ADAM12: variants seen among roughly 807,000 people sequenced by gnomAD.
ADAM12 encodes disintegrin and metalloproteinase domain-containing protein 12.
In ADAM12, 70 loss-of-function variants were observed where a neutral mutation model predicts 106.4. The ratio of observed to expected loss-of-function variants is 0.66; its 90% confidence interval spans 0.54 to 0.80. The LOEUF (loss-of-function observed/expected upper bound fraction) is 0.80. Ranked by LOEUF, ADAM12 falls within the 30% of genes least tolerant of loss-of-function variation. The pLI, the probability that ADAM12 is intolerant of heterozygous loss-of-function variation, is 0.00. For missense variants in ADAM12, 1,010 were observed against 1,171.9 expected, an observed-to-expected ratio of 0.86 and a Z score of 2.02; for synonymous variants, 420 against 433.5, an observed-to-expected ratio of 0.97 and a Z score of 0.39.
chr10:126,235,442 G>A (rs938918921), intron 3 of ADAM12, among the ~76,000 whole-genome samples: 3 of 152,192 alleles, frequency 2.0e-5, no homozygotes, highest in East Asian at 1.9e-4. Context: ...CAGGGAGCGC[G>A]GACCGCTGGG....
intron 3 of ADAM12, among the ~76,000 whole-genome samples, chr10:126,184,014 T>C (rs1957358749): frequency 6.6e-6 from 1 of 152,212 alleles, no homozygotes. Flanking sequence ...TTGATTTTCT[T>C]CAAAAAAGTG....
chr10:126,238,583 C>G (rs1042047912), intron 3 of ADAM12, among the ~76,000 whole-genome samples: 5 of 152,142 alleles, frequency 3.3e-5, no homozygotes, highest in Non-Finnish European at 7.4e-5. Context: ...CATCCCAAAA[C>G]TGCATGTTGC....
intron 3 of ADAM12, among the ~76,000 whole-genome samples, chr10:126,201,833 G>C (rs1388663239): frequency 6.6e-6 from 1 of 152,142 alleles, no homozygotes; most frequent in Non-Finnish European, 1.5e-5. Context: ...AGAAAGACCA[G>C]GCAGAAACAA....
chr10:126,113,261 G>C (rs1046134467), intron 6 of ADAM12, among the ~76,000 whole-genome samples: 2 of 152,140 alleles, frequency 1.3e-5, no homozygotes, highest in African/African-American at 4.8e-5. Flanking sequence ...GGACAAGAGT[G>C]GACGAGAGGA....
At position 126,015,387 on chromosome 10, in the gene ADAM12, G is replaced by GTA. The variant is rs540309607; in HGVS notation, c.*1890_*1891dup. 29 of 152,270 alleles carry GTA rather than the reference G, an allele frequency of 1.9e-4. No homozygotes were observed. The East Asian group carries it at 4.4e-3, about 23-fold the overall frequency. The allele number at this position is 152,270 out of a possible 1,614,324, so 9.4% of individuals were successfully genotyped here. Reference sequence around the variant, plus strand: ...TAAAATTCTGTAAACCTTTTTAATAGTATATATATGTTTGGCTTTAGTACA... The same window carrying GTA: ...TAAAATTCTGTAAACCTTTTTAATAGTATATATATATGTTTGGCTTTAGTACA... On this transcript the variant is annotated 3_prime_UTR_variant, in exon 23 of 23. Coordinates refer to ENST00000448723, the MANE Select transcript of ADAM12 (RefSeq NM_001288973.2).
chr10:126,215,590 T>C (rs1009291521), intron 3 of ADAM12, among the ~76,000 whole-genome samples: 22 of 151,988 alleles, frequency 1.4e-4, no homozygotes, highest in African/African-American at 4.8e-4. Context: ...TGATACATGA[T>C]AGGTAAACTG....
At chr10:126,167,973 A>G (rs994766524) in intron 3 of ADAM12, among the ~76,000 whole-genome samples, 2 of 152,258 alleles carry the variant, frequency 1.3e-5, no homozygotes. Context: ...ACATGCTAAC[A>G]TATCTTACAC....
At chr10:126,192,912 G>C (rs1957529448) in intron 3 of ADAM12, among the ~76,000 whole-genome samples, 1 of 152,230 alleles carries the variant, frequency 6.6e-6, no homozygotes, top group Non-Finnish European at 1.5e-5. Context: ...CAATGGGAGA[G>C]AGTCGCCAGC....
intron 3 of ADAM12, 66 bp downstream of exon 3, chr10:126,278,848 CA>C: frequency 8.2e-7 from 1 of 1,223,566 alleles, no homozygotes. Context: ...ACATAAATCA[CA>C]GAGCACTTTT....
intron 4 of ADAM12, among the ~76,000 whole-genome samples, chr10:126,142,455 C>T (rs1305402807): frequency 2.0e-5 from 3 of 152,250 alleles, no homozygotes; most frequent in African/African-American, 7.2e-5. Context: ...AGGCACAGAT[C>T]ATGCATGCTA....
intron 3 of ADAM12, among the ~76,000 whole-genome samples, chr10:126,219,306 T>C (rs892522559): frequency 6.6e-6 from 1 of 152,220 alleles, no homozygotes; most frequent in Non-Finnish European, 1.5e-5. Context: ...CCTGGTGACC[T>C]GCTTCGGGAG....
intron 2 of ADAM12, among the ~76,000 whole-genome samples, chr10:126,314,491 T>G (rs527988318): frequency 1.7e-3 from 266 of 152,272 alleles, no homozygotes; most frequent in Non-Finnish European, 2.7e-3. Flanking sequence ...CTGCTTTGAA[T>G]TTGGGACAAA....
At chr10:126,183,391 C>T (rs1957348007) in intron 3 of ADAM12, among the ~76,000 whole-genome samples, 1 of 152,196 alleles carries the variant, frequency 6.6e-6, no homozygotes, top group Non-Finnish European at 1.5e-5. Flanking sequence ...GACCACTGCA[C>T]TAGAACACCA....
chr10:126,189,287 T>C (rs1041935787), intron 3 of ADAM12, among the ~76,000 whole-genome samples: 6 of 152,124 alleles, frequency 3.9e-5, no homozygotes, highest in African/African-American at 1.2e-4. Flanking sequence ...GGAAAGAGCA[T>C]GGAACATTCC....
intron 2 of ADAM12, among the ~76,000 whole-genome samples, chr10:126,295,480 C>T (rs757389967): frequency 1.3e-5 from 2 of 152,068 alleles, no homozygotes; most frequent in Non-Finnish European, 2.9e-5. Flanking sequence ...CACTACTGTT[C>T]TTACAATTGA....
intron 2 of ADAM12, among the ~76,000 whole-genome samples, chr10:126,287,058 A>C (rs1241451497): frequency 6.6e-6 from 1 of 152,168 alleles, no homozygotes; most frequent in Admixed American, 6.5e-5. Flanking sequence ...TCTTAGCTCA[A>C]GTTCTTTGTC....
intron 10 of ADAM12, 94 bp from the exon 11 acceptor site, chr10:126,094,227 A>AGT: frequency 1.6e-6 from 2 of 1,248,968 alleles, no homozygotes; most frequent in Non-Finnish European, 2.2e-6. Context: ...CCTTTCATTA[A>AGT]CATTTGACTT....
intron 5 of ADAM12, among the ~76,000 whole-genome samples, chr10:126,128,136 CTTT>C (rs1269679793): frequency 6.6e-6 from 1 of 152,118 alleles, no homozygotes; most frequent in East Asian, 1.9e-4. Flanking sequence ...GTGGTCTCTG[CTTT>C]TTACCTGTAA....
chr10:126,303,467 T>C (rs1261966805), intron 2 of ADAM12, among the ~76,000 whole-genome samples: 1 of 152,196 alleles, frequency 6.6e-6, no homozygotes, highest in African/African-American at 2.4e-5. Flanking sequence ...TCCCAGTCCA[T>C]TTCCCAAGAC....
Sources: gnomAD v4.1 joint callset for allele counts (sites outside exome capture counted in the v4.1 genomes callset) on GRCh38, gnomAD v4.1.1 for gene constraint, MANE v1.5 for transcripts, NCBI Gene and HGNC (gene_info 2026-07-23, HGNC 2026-07-21) for gene names.